The following PRDM16 variants were observed in gnomAD, a reference collection of about 807,000 sequenced individuals.
The protein encoded by PRDM16 is histone-lysine N-methyltransferase PRDM16.
PRDM16 carries 23 observed loss-of-function variants against 110.6 expected under a neutral mutation model. The ratio of observed to expected loss-of-function variants is 0.21; its 90% confidence interval spans 0.15 to 0.29. The LOEUF is 0.29. Among genes scored for constraint, PRDM16 ranks in the 10% least tolerant of loss-of-function variants. The probability of loss-of-function intolerance (pLI) is 1.00; values close to 1 mark genes in which losing one functional copy is unlikely to be tolerated. For synonymous variants in PRDM16, 799 were observed against 781.8 expected (o/e 1.02, Z -0.37); for missense variants, 1,615 against 1,794.3 (o/e 0.90, Z 1.81).
intron 2 of PRDM16, among the ~76,000 whole-genome samples, chr1:3,229,627 A>T (rs10157102): frequency 0.15 from 22,169 of 152,140 alleles, 2,239 homozygotes; most frequent in African/African-American, 0.28. Flanking sequence ...CCACCCAGCC[A>T]CTTGCAGCCC....
chr1:3,269,845 A>AC (rs1405326545), intron 3 of PRDM16, among the ~76,000 whole-genome samples: 9,704 of 96,334 alleles, frequency 0.1, 2,630 homozygotes, highest in African/African-American at 0.38. Context: ...CCAGAGGATG[A>AC]AAGTCCCAGA....
At chr1:3,294,799 G>C (rs957700953) in intron 3 of PRDM16, among the ~76,000 whole-genome samples, 1 of 152,212 alleles carries the variant, frequency 6.6e-6, no homozygotes, top group Non-Finnish European at 1.5e-5. Flanking sequence ...CCAAGCCCAG[G>C]TCCTGATCAC....
At chr1:3,409,531 G>A in intron 8 of PRDM16, among the ~76,000 whole-genome samples, 1 of 152,190 alleles carries the variant, frequency 6.6e-6, no homozygotes, top group African/African-American at 2.4e-5. Flanking sequence ...AGCTGGAGTC[G>A]AAGGAGATCA....
chr1:3,289,246 T>G (rs1031760179), intron 3 of PRDM16, among the ~76,000 whole-genome samples: 4 of 152,156 alleles, frequency 2.6e-5, no homozygotes, highest in Non-Finnish European at 5.9e-5. Flanking sequence ...CTGCTGAGAC[T>G]GAGGCCCAAG....
At chr1:3,385,338 G>T (rs747760150) in intron 4 of PRDM16, 52 bp downstream of exon 4, 18 of 1,595,404 alleles carry the variant, frequency 1.1e-5, no homozygotes, top group African/African-American at 1.3e-5. Flanking sequence ...TGTCCCTGAG[G>T]ATGTGGCACC....
At chr1:3,166,890 C>A (rs1402367210) in intron 1 of PRDM16, among the ~76,000 whole-genome samples, 2 of 152,028 alleles carry the variant, frequency 1.3e-5, no homozygotes, top group Non-Finnish European at 2.9e-5. Context: ...CTCACGGCGG[C>A]CTACGAAGCA....
intron 3 of PRDM16, among the ~76,000 whole-genome samples, chr1:3,348,683 C>T (rs976994459): frequency 6.6e-6 from 1 of 152,262 alleles, no homozygotes; most frequent in African/African-American, 2.4e-5. Context: ...CAAGCCCTGT[C>T]CCTGTCTCCT....
chr1:3,343,791 C>T (rs1570107407), intron 3 of PRDM16, among the ~76,000 whole-genome samples: 1 of 152,104 alleles, frequency 6.6e-6, no homozygotes, highest in African/African-American at 2.4e-5. Context: ...CAGGCATCCA[C>T]CACCATGCCG....
intron 3 of PRDM16, among the ~76,000 whole-genome samples, chr1:3,279,004 A>G (rs894564334): frequency 6.6e-6 from 1 of 152,174 alleles, no homozygotes; most frequent in African/African-American, 2.4e-5. Context: ...CGTGTCTGTC[A>G]TCGTCAGCCC....
chr1:3,166,497 C>T (rs149078897), intron 1 of PRDM16, among the ~76,000 whole-genome samples: 39 of 152,356 alleles, frequency 2.6e-4, no homozygotes, highest in African/African-American at 9.4e-4. Flanking sequence ...CTTGGTTTGG[C>T]GGCTCCCTTT....
At chr1:3,156,442 A>G (rs1017425304) in intron 1 of PRDM16, among the ~76,000 whole-genome samples, 4 of 152,216 alleles carry the variant, frequency 2.6e-5, no homozygotes, top group African/African-American at 9.6e-5. Flanking sequence ...ATTTAAGTCA[A>G]TGCCTATCCT....
chr1:3,371,796 C>T (rs1642913256), intron 3 of PRDM16, among the ~76,000 whole-genome samples: 1 of 152,260 alleles, frequency 6.6e-6, no homozygotes, highest in Non-Finnish European at 1.5e-5. Flanking sequence ...CCGCCCAGCC[C>T]ATCTGCCCTT....
intron 1 of PRDM16, among the ~76,000 whole-genome samples, chr1:3,151,280 G>A (rs1226243653): frequency 6.6e-6 from 1 of 152,242 alleles, no homozygotes; most frequent in African/African-American, 2.4e-5. Context: ...ACTCCCCAGA[G>A]TCCAGACAGA....
rs369660990 is a variant in PRDM16 at position 3,385,298 on chromosome 1, C to G, written c.573+12C>G. ...AGATCAGTGAGCAGGTAGGTCCGGG[C>G]TCATAACAGGGGCTTCTGCCTCTTG... On this transcript the variant is annotated intron_variant, in intron 4 of 16. Coordinates refer to ENST00000270722, the MANE Select transcript of PRDM16 (RefSeq NM_022114.4). 5.0e-6 allele frequency: 8 copies of G among 1,613,242 alleles called. No individual in the cohort carries two copies. The African/African-American group carries it at 1.1e-4, about 21-fold the overall frequency.
rs1405615150 is a variant in PRDM16 at position 3,411,751 on chromosome 1, C to G, written c.1554C>G (p.Phe518Leu). ...TCACCCCCGGCTTCCCGGGCATCTT[C>G]CCTCCATCCTTGTACCCCCGGCCGC... ...PALTPGFPGI[F>L]PPSLYPRPPL... is the part of the protein sequence containing the mutation. The change falls in exon 9 of 17, where the codon TTC (phenylalanine) becomes TTG (leucine). Residue 518 changes from phenylalanine to leucine, a missense_variant. Phe to Leu is a conservative substitution (Grantham distance 22). Around this residue, in one of 5 missense-constraint regions of PRDM16, gnomAD observed 772 missense variants for 748.3 expected, o/e 1.03. Transcript: ENST00000270722. 1.2e-6 allele frequency: 2 copies of G among 1,611,998 alleles called. No individual in the cohort carries two copies. Among genetic ancestry groups the G allele is most frequent in the Non-Finnish European group, 8.5e-7 (1 of 1,179,438 alleles).
At chr1:3,285,519 T>C (rs1640825262) in intron 3 of PRDM16, among the ~76,000 whole-genome samples, 1 of 152,132 alleles carries the variant, frequency 6.6e-6, no homozygotes, top group Non-Finnish European at 1.5e-5. Context: ...GGAGCAGGCA[T>C]GCTCCCAGGA....
chr1:3,363,932 C>T (rs1642762841), intron 3 of PRDM16, among the ~76,000 whole-genome samples: 1 of 152,178 alleles, frequency 6.6e-6, no homozygotes, highest in Admixed American at 6.5e-5. Flanking sequence ...CCGCTACGCA[C>T]ACCTCAGCCC....
At chr1:3,195,011 C>A (rs965297934) in intron 2 of PRDM16, among the ~76,000 whole-genome samples, 3 of 152,218 alleles carry the variant, frequency 2.0e-5, no homozygotes, top group Admixed American at 1.3e-4. Flanking sequence ...TCTATGGAGG[C>A]CTCACGTCTA....
intron 2 of PRDM16, among the ~76,000 whole-genome samples, chr1:3,225,607 A>G (rs1639272581): frequency 6.6e-6 from 1 of 151,376 alleles, no homozygotes; most frequent in African/African-American, 2.4e-5. Flanking sequence ...CGCAAGGAAG[A>G]TCAGTTAAGG....
Sources: allele counts gnomAD v4.1 joint callset (sites outside exome capture counted in the v4.1 genomes callset), GRCh38; gene constraint gnomAD v4.1.1; regional missense constraint gnomAD v4.1.1; transcripts MANE v1.5; gene names NCBI Gene and HGNC (gene_info 2026-07-23, HGNC 2026-07-21).